Variants in CDC14B observed in about 807,000 individuals in gnomAD.
CDC14B encodes dual specificity protein phosphatase CDC14B.
Under a neutral mutation model 64.2 loss-of-function variants are expected in CDC14B, and 22 were observed. The observed-to-expected ratio is 0.34, with a 90% CI of 0.24 to 0.49. The LOEUF (loss-of-function observed/expected upper bound fraction) is 0.49. Among genes scored for constraint, CDC14B ranks in the 20% least tolerant of loss-of-function variants. The probability of loss-of-function intolerance (pLI) is 0.99; values close to 1 mark genes in which losing one functional copy is unlikely to be tolerated. For synonymous variants in CDC14B, 191 were observed against 215.8 expected, an observed-to-expected ratio of 0.89 and a Z score of 1.01; for missense variants, 498 against 629.9, an observed-to-expected ratio of 0.79 and a Z score of 2.24.
chr9:96,566,977 G>A, intron 1 of CDC14B: 2 of 1,450,780 alleles, frequency 1.4e-6, no homozygotes, highest in Non-Finnish European at 1.8e-6. Context: ...GGCCTGACAC[G>A]ACAGCGCAAC....
At chr9:96,504,523 C>T (rs1252260681) in intron 13 of CDC14B, among the ~76,000 whole-genome samples, 1 of 152,174 alleles carries the variant, frequency 6.6e-6, no homozygotes, top group African/African-American at 2.4e-5. Context: ...TTCAGAGATC[C>T]CAACAGAGCA....
chr9:96,599,574 G>T (rs186008303), intron 1 of CDC14B, among the ~76,000 whole-genome samples: 1 of 152,226 alleles, frequency 6.6e-6, no homozygotes, highest in East Asian at 1.9e-4. Context: ...ACAGAACAAA[G>T]ATACTAATGA....
chr9:96,591,808 C>T (rs761082794), intron 1 of CDC14B, among the ~76,000 whole-genome samples: 13 of 148,566 alleles, frequency 8.8e-5, no homozygotes, highest in East Asian at 2.1e-4. Context: ...TGCAGTGGCG[C>T]GATCTAGGCT....
chr9:96,608,837 G>C (rs1309488375), intron 1 of CDC14B, among the ~76,000 whole-genome samples: 1 of 151,238 alleles, frequency 6.6e-6, no homozygotes, highest in Admixed American at 6.6e-5. Context: ...ACTTATATAT[G>C]ATCAGTTACA....
chr9:96,591,267 A>G (rs1769947732), intron 1 of CDC14B, among the ~76,000 whole-genome samples: 1 of 152,166 alleles, frequency 6.6e-6, no homozygotes, highest in East Asian at 1.9e-4. Context: ...GATACTTTGC[A>G]TTAATTTTTG....
At chr9:96,553,342 G>GTTTC (rs750815645) in intron 4 of CDC14B, among the ~76,000 whole-genome samples, 82 of 149,898 alleles carry the variant, frequency 5.5e-4, no homozygotes, top group Non-Finnish European at 1.0e-3. Context: ...GCCTGTTTCT[G>GTTTC]TTTCTTTCTT....
intron 4 of CDC14B, among the ~76,000 whole-genome samples, chr9:96,554,112 C>T (rs1035807875): frequency 3.3e-5 from 5 of 151,916 alleles, no homozygotes; most frequent in African/African-American, 7.3e-5. Context: ...TGCAGTGAGC[C>T]GAGATCGCGC....
intron 1 of CDC14B, among the ~76,000 whole-genome samples, chr9:96,571,958 T>C (rs949321277): frequency 2.6e-5 from 4 of 151,898 alleles, no homozygotes; most frequent in African/African-American, 9.7e-5. Context: ...TGTCCAATCA[T>C]ATTTCAACAC....
At chr9:96,496,281 G>A (rs1316853117), downstream of CDC14B, 4 of 510,400 alleles carry the variant, frequency 7.8e-6, no homozygotes, top group South Asian at 1.4e-5. Context: ...GACCTTCCCC[G>A]CAGGTCTAGT....
intron 1 of CDC14B, among the ~76,000 whole-genome samples, chr9:96,583,370 T>TTTATTTA (rs369531819): frequency 5.0e-5 from 7 of 139,092 alleles, no homozygotes; most frequent in Admixed American, 1.5e-4. Context: ...GTTGTATTTA[T>TTTATTTA]TTATTATTAT....
At chr9:96,521,394 T>A (rs531993805) in intron 12 of CDC14B, among the ~76,000 whole-genome samples, 28 of 152,256 alleles carry the variant, frequency 1.8e-4, no homozygotes, top group Non-Finnish European at 1.5e-5. Context: ...GCACCATTTT[T>A]AAAAAAGTAT....
At chr9:96,506,179 G>A (rs940341928) in intron 13 of CDC14B, among the ~76,000 whole-genome samples, 3 of 152,110 alleles carry the variant, frequency 2.0e-5, no homozygotes, top group Non-Finnish European at 4.4e-5. Flanking sequence ...ACCCCAAAAG[G>A]GTGCTCTATT....
intron 1 of CDC14B, among the ~76,000 whole-genome samples, chr9:96,589,768 T>C (rs1024481823): frequency 1.2e-4 from 18 of 151,848 alleles, no homozygotes; most frequent in African/African-American, 4.1e-4. Context: ...ACCATCCTGG[T>C]TAACATGGTG....
chr9:96,500,890 G>A lies in CDC14B; in HGVS notation c.*2863C>T, dbSNP rs1564181453. 1.3e-5 allele frequency: 2 copies of A among 151,836 alleles called. No homozygotes were observed. The highest frequency in any genetic ancestry group is 6.6e-5 in the Admixed American group (1 of 15,222). 9.4% of individuals were successfully genotyped at this position (151,836 alleles called of 1,614,324 possible). On this transcript the variant is annotated 3_prime_UTR_variant, in exon 14 of 14. Transcript: ENST00000375241. ...AGCCCAGGCCATCCCGCCCAGCCCAGCGAGCACACTGGCCTCATAACAATG... is the reference window on the plus strand; with the variant it reads ...AGCCCAGGCCATCCCGCCCAGCCCAACGAGCACACTGGCCTCATAACAATG...
intron 1 of CDC14B, among the ~76,000 whole-genome samples, chr9:96,568,117 G>C (rs938718762): frequency 2.0e-5 from 3 of 151,708 alleles, no homozygotes; most frequent in African/African-American, 7.3e-5. Context: ...ATTTTCCCAA[G>C]TTTTCTATAG....
At chr9:96,522,428 T>C in intron 12 of CDC14B, 78 bp downstream of exon 12, 1 of 937,892 alleles carries the variant, frequency 1.1e-6, no homozygotes, top group Admixed American at 1.7e-5. Context: ...TGGAGAAAAA[T>C]GTACAGGAAA....
At chr9:96,580,330 C>G (rs139251431) in intron 1 of CDC14B, among the ~76,000 whole-genome samples, 1 of 151,758 alleles carries the variant, frequency 6.6e-6, no homozygotes, top group East Asian at 1.9e-4. Context: ...CTCCCAGGTT[C>G]AAGCGATTCT....
intron 12 of CDC14B, among the ~76,000 whole-genome samples, chr9:96,521,158 C>T (rs543315787): frequency 6.6e-6 from 1 of 152,274 alleles, no homozygotes; most frequent in East Asian, 1.9e-4. Context: ...CAATCTCTGC[C>T]TCCCGGGTTC....
chr9:96,532,344 G>C (rs568659439), intron 9 of CDC14B, among the ~76,000 whole-genome samples: 11 of 152,324 alleles, frequency 7.2e-5, no homozygotes, highest in African/African-American at 2.6e-4. Flanking sequence ...TCTGATGAGA[G>C]ATCTGCTGAC....
Sources: gnomAD v4.1 joint callset for allele counts (sites outside exome capture counted in the v4.1 genomes callset) on GRCh38, gnomAD v4.1.1 for gene constraint, MANE v1.5 for transcripts, NCBI Gene and HGNC (gene_info 2026-07-23, HGNC 2026-07-21) for gene names.